The following DMRT2 variants were observed in gnomAD, a reference collection of about 807,000 sequenced individuals.
The protein encoded by DMRT2 is doublesex and mab-3 related transcription factor 2.
Under a neutral mutation model 43.5 loss-of-function variants are expected in DMRT2, and 33 were observed. The ratio of observed to expected loss-of-function variants is 0.76; its 90% CI spans 0.58 to 1.01. DMRT2 has a LOEUF of 1.01. Among genes scored for constraint, DMRT2 ranks in the 50% least tolerant of loss-of-function variants. The pLI is 0.00. For missense variants in DMRT2, 1,064 were observed against 748.0 expected, an observed-to-expected ratio of 1.42 and a Z score of -4.93; for synonymous variants, 395 against 309.2, an observed-to-expected ratio of 1.28 and a Z score of -2.91.
intron 2 of DMRT2, 73 bp downstream of exon 2, chr9:1,052,211 G>T: frequency 1.6e-6 from 2 of 1,217,816 alleles, no homozygotes; most frequent in South Asian, 4.6e-5. Flanking sequence ...CGGGGCGGCC[G>T]TCCACACCCC....
intron 3 of DMRT2, 56 bp downstream of exon 3, chr9:1,053,880 A>C: frequency 7.1e-7 from 1 of 1,404,642 alleles, no homozygotes; most frequent in East Asian, 2.3e-5. Flanking sequence ...GACTCTCATT[A>C]ATCAGCACAA....
rs1821604983 is a variant in DMRT2 at position 1,051,808 on chromosome 9, C to T, written c.195C>T (p.Gly65=). The change falls in exon 2 of 4, where the codon GGC becomes GGT. Residue 65 remains glycine (G), a synonymous_variant. Coordinates refer to ENST00000358146, the MANE Select transcript of DMRT2 (RefSeq NM_181872.6). This position sits in a 1 kb window ranked among gnomAD's most constrained non-coding sequence, Gnocchi z 5.9. ...AAGACGCGGAAGAAGAGGGCGACGGCGAGGAGGCAGGCGCGTCCCCCGGGA... is the reference window on the plus strand; with the variant it reads ...AAGACGCGGAAGAAGAGGGCGACGGTGAGGAGGCAGGCGCGTCCCCCGGGA... The part of the protein sequence containing the change: ...VDEDAEEEGD[G]EEAGASPGMP... 6.0e-6 allele frequency: 9 copies of T among 1,491,470 alleles called. No individual in the cohort carries two copies. Among genetic ancestry groups the T allele is most frequent in the Admixed American group, 4.6e-5 (2 of 43,676 alleles). 92.4% of individuals were successfully genotyped at this position (1,491,470 alleles called of 1,614,324 possible).
chr9:1,056,247 A>T lies in DMRT2; in HGVS notation c.660A>T (p.Val220=). 6.2e-7 allele frequency: 1 copy of T among 1,613,512 alleles called. No individual in the cohort carries two copies. Among genetic ancestry groups the T allele is most frequent in the Non-Finnish European group, 8.5e-7 (1 of 1,179,762 alleles). ...GYRPIPAETY[V]GGTFPLPPPV... ...GCCCCATTCCAGCGGAGACTTATGT[A>T]GGAGGGACCTTCCCTCTACCTCCCC... The change falls in exon 4 of 4, where the codon GTA becomes GTT. Residue 220 remains valine, a synonymous_variant. Transcript: ENST00000358146.
Position 1,056,918 on chromosome 9 carries a change from C to A in DMRT2, c.1331C>A (p.Ser444Tyr). Residue 444 changes from serine (S) to tyrosine (Y), a missense_variant, in exon 4 of 4, where the codon TCC becomes TAC. Coordinates refer to ENST00000358146, the MANE Select transcript of DMRT2 (RefSeq NM_181872.6). ...TTCTCTCCCATTGTTGACACGGACT[C>A]CCTGGCAGCTCAAGGGCATGTCTTA... ...RNFSPIVDTD[S>Y]LAAQGHVLTK... 6.2e-7 allele frequency: 1 copy of A among 1,614,170 alleles called. No individual in the cohort carries two copies. Among genetic ancestry groups the A allele is most frequent in the Non-Finnish European group, 8.5e-7 (1 of 1,180,040 alleles).
intron 2 of DMRT2, among the ~76,000 whole-genome samples, 171 bp from the exon 3 acceptor site, chr9:1,053,551 T>G (rs1210489593): frequency 2.6e-5 from 4 of 152,240 alleles, no homozygotes; most frequent in African/African-American, 9.6e-5. Flanking sequence ...GCCCTAGGAT[T>G]AAGGGGTGCT....
At position 1,051,829 on chromosome 9, in the gene DMRT2, C is replaced by A; in HGVS notation, c.216C>A (p.Pro72=). The change falls in exon 2 of 4, where the codon CCC becomes CCA. Residue 72 remains proline (P), a synonymous_variant. Transcript: ENST00000358146. This position sits in a 1 kb window ranked among gnomAD's most constrained non-coding sequence, Gnocchi z 5.9. ...ACGGCGAGGAGGCAGGCGCGTCCCCCGGGATGCCCGGCCAGCCGGAGCAGC... is the reference window on the plus strand; with the variant it reads ...ACGGCGAGGAGGCAGGCGCGTCCCCAGGGATGCCCGGCCAGCCGGAGCAGC... The part of the protein sequence containing the change: ...EGDGEEAGAS[P]GMPGQPEQRG... The A allele has an allele frequency of 1.4e-6, 2 of 1,445,016 alleles. No homozygotes were observed. The highest frequency in any genetic ancestry group is 3.0e-5 in the East Asian group (1 of 33,856). 89.5% of individuals were successfully genotyped at this position (1,445,016 alleles called of 1,614,324 possible). A position where few individuals can be genotyped will look rare whatever the true frequency, so the allele number is the denominator to read the frequency against.
intron 3 of DMRT2, among the ~76,000 whole-genome samples, 153 bp downstream of exon 3, chr9:1,053,977 T>G (rs913857100): frequency 6.6e-6 from 1 of 152,210 alleles, no homozygotes; most frequent in Non-Finnish European, 1.5e-5. Flanking sequence ...GCTGAGCCCG[T>G]ACGCTAAAAC....
In DMRT2 at chr9:1,056,781, G is replaced by C. The variant is rs1822026074; in HGVS notation, c.1194G>C (p.Leu398Phe). The part of the protein sequence containing the change: ...SAEQDMMPSK[L>F]EGSLVLPHTP... ...AGCAGGACATGATGCCATCGAAATT[G>C]GAAGGTTCCCTGGTGCTGCCTCACA... The change falls in exon 4 of 4, where the codon TTG becomes TTC. Residue 398 changes from leucine to phenylalanine, a missense_variant. Transcript: ENST00000358146. The C allele has an allele frequency of 6.2e-7, 1 of 1,613,994 alleles. No individual in the cohort carries two copies.
In DMRT2 at chr9:1,056,500, A is replaced by G. The variant is rs754836991; in HGVS notation, c.913A>G (p.Thr305Ala). The stretch of plus-strand genomic sequence containing the variant: ...CAAGGACTTCTGTAATTTTTTGCCC[A>G]CCTGCCTTGATTTAACCATGCAGTA... ...PSKDFCNFLP[T>A]CLDLTMQYSG... The change falls in exon 4 of 4, where the codon ACC becomes GCC. Residue 305 changes from threonine to alanine, a missense_variant. Coordinates refer to ENST00000358146, the MANE Select transcript of DMRT2 (RefSeq NM_181872.6). 4 of 1,614,052 alleles carry G rather than the reference A, an allele frequency of 2.5e-6. No homozygotes were observed. Among genetic ancestry groups the G allele is most frequent in the Non-Finnish European group, 3.4e-6 (4 of 1,180,036 alleles).
At chr9:1,055,640 G>T in intron 3 of DMRT2, 1 of 1,300,318 alleles carries the variant, frequency 7.7e-7, no homozygotes, top group Non-Finnish European at 1.0e-6. Flanking sequence ...AATTTTCTAT[G>T]CTTCTCTATT....
chr9:1,052,362 C>T (rs1037336827), intron 2 of DMRT2, among the ~76,000 whole-genome samples: 39 of 152,246 alleles, frequency 2.6e-4, no homozygotes, highest in African/African-American at 9.1e-4. Context: ...TCTTAAAAAG[C>T]AGGCAGAGAG....
intron 3 of DMRT2, 24 bp from the exon 4 acceptor site, chr9:1,056,192 A>G: frequency 6.3e-7 from 1 of 1,575,296 alleles, no homozygotes. Flanking sequence ...AATCTCTTTC[A>G]TGTGCAATCT....
intron 3 of DMRT2, chr9:1,054,741 A>G (rs1429714504): frequency 6.6e-6 from 1 of 152,240 alleles, no homozygotes; most frequent in Non-Finnish European, 1.5e-5. Context: ...ATAAGGGACA[A>G]TTAATGTTTG....
Position 1,057,183 on chromosome 9 carries a change from A to G in DMRT2, c.1596A>G (p.Gly532=). ...AKDLFVAKQV[G]TKLSVNEPLS... ...ACCTTTTTGTAGCCAAACAAGTTGG[A>G]ACAAAACTCTCGGTGAATGAACCAC... is the stretch of plus-strand genomic sequence containing the variant. Residue 532 remains glycine, a synonymous_variant, in exon 4 of 4, where the codon GGA becomes GGG. Coordinates refer to ENST00000358146, the MANE Select transcript of DMRT2 (RefSeq NM_181872.6). 1 of 1,614,178 alleles carries G rather than the reference A, an allele frequency of 6.2e-7. No individual in the cohort carries two copies. Among genetic ancestry groups the G allele is most frequent in the Non-Finnish European group, 8.5e-7 (1 of 1,180,030 alleles).
At position 1,056,420 on chromosome 9, in the gene DMRT2, C is replaced by G. The variant is rs199974594; in HGVS notation, c.833C>G (p.Pro278Arg). The change falls in exon 4 of 4, where the codon CCT (proline) becomes CGT (arginine). Residue 278 changes from proline to arginine, a missense_variant. Coordinates refer to ENST00000358146, the MANE Select transcript of DMRT2 (RefSeq NM_181872.6). ...LFLPNRMVPG[P>R]DYNSYKSAYS... is the part of the protein sequence containing the mutation. ...CTGCCCAACCGCATGGTGCCTGGAC[C>G]TGACTACAATTCCTACAAAAGTGCC... is the stretch of plus-strand genomic sequence containing the variant. 40 of 1,614,074 alleles carry G rather than the reference C, an allele frequency of 2.5e-5. No homozygotes were observed. The highest frequency in any genetic ancestry group is 1.6e-4 in the Middle Eastern group (1 of 6,084).
intron 3 of DMRT2, chr9:1,055,765 C>A (rs746320247): frequency 2.0e-6 from 3 of 1,501,590 alleles, no homozygotes; most frequent in Non-Finnish European, 2.7e-6. Flanking sequence ...ACATAATGAA[C>A]CATCTTTAGA....
At chr9:1,054,392 G>C (rs1217854937) in intron 3 of DMRT2, among the ~76,000 whole-genome samples, 1 of 149,726 alleles carries the variant, frequency 6.7e-6, no homozygotes. Context: ...CTCAGATTCC[G>C]CTCTTTTTCA....
chr9:1,050,837 C>G (rs375538181), intron 1 of DMRT2, 62 bp downstream of exon 1: 18 of 152,424 alleles, frequency 1.2e-4, no homozygotes, highest in African/African-American at 3.1e-4. Context: ...CATCTTTCAC[C>G]TTTTCTGTGT....
At chr9:1,052,448 A>C (rs777875974) in intron 2 of DMRT2, among the ~76,000 whole-genome samples, 7 of 151,906 alleles carry the variant, frequency 4.6e-5, no homozygotes, top group Non-Finnish European at 8.8e-5. Context: ...TTTAAAGTGC[A>C]TTTTCGTGGT....
Sources: allele counts gnomAD v4.1 joint callset (sites outside exome capture counted in the v4.1 genomes callset), GRCh38; gene constraint gnomAD v4.1.1; non-coding constraint Gnocchi (gnomAD v3.1); transcripts MANE v1.5; gene names NCBI Gene and HGNC (gene_info 2026-07-23, HGNC 2026-07-21).